The following C1orf198 variants were observed in gnomAD, a reference collection of about 807,000 sequenced individuals.
C1orf198 encodes uncharacterized protein C1orf198.
Under a neutral mutation model 31.4 loss-of-function variants are expected in C1orf198, and 17 were observed. That is an observed-to-expected ratio of 0.54 (90% CI 0.37 to 0.81). C1orf198 has a LOEUF of 0.81. Ranked by LOEUF, C1orf198 falls within the 40% of genes least tolerant of loss-of-function variation. The pLI, the probability that C1orf198 is intolerant of heterozygous loss-of-function variation, is 0.00. For missense variants in C1orf198, 401 were observed against 450.3 expected, an observed-to-expected ratio of 0.89 and a Z score of 0.99; for synonymous variants, 175 against 193.8, an observed-to-expected ratio of 0.90 and a Z score of 0.81.
chr1:230,841,095 A>C (rs1669427403), intron 3 of C1orf198, among the ~76,000 whole-genome samples: 1 of 152,186 alleles, frequency 6.6e-6, no homozygotes, highest in African/African-American at 2.4e-5. Context: ...CTCAGTGCCG[A>C]GTCTCAGAGA....
chr1:230,852,023 T>C (rs1669760321), intron 2 of C1orf198, among the ~76,000 whole-genome samples: 1 of 152,216 alleles, frequency 6.6e-6, no homozygotes, highest in Non-Finnish European at 1.5e-5. Flanking sequence ...CTTGTGTAGG[T>C]AGATTCGTCA....
At position 230,855,719 on chromosome 1, in the gene C1orf198, C is replaced by T. The variant is rs1469263753; in HGVS notation, c.334-1G>A. The T allele has an allele frequency of 6.2e-7, 1 of 1,612,562 alleles. No individual in the cohort carries two copies. Among genetic ancestry groups the T allele is most frequent in the Non-Finnish European group, 8.5e-7 (1 of 1,179,200 alleles). On this transcript the variant is annotated splice_acceptor_variant, in intron 1 of 3. Transcript: ENST00000366663. LOFTEE classifies it high-confidence loss of function. ...AGTGCTCATCTTGCCAAGTTAGATCCTGAAATAAAAAATCGAGAATAAGTC... is the reference window on the plus strand; with the variant it reads ...AGTGCTCATCTTGCCAAGTTAGATCTTGAAATAAAAAATCGAGAATAAGTC...
At chr1:230,841,005 C>T (rs574673107) in intron 3 of C1orf198, among the ~76,000 whole-genome samples, 40 of 152,216 alleles carry the variant, frequency 2.6e-4, no homozygotes, top group Non-Finnish European at 4.6e-4. Context: ...CTCCACTGCC[C>T]ACACAGAAAC....
Position 230,843,455 on chromosome 1 carries a change from G to A in C1orf198, c.826C>T (p.His276Tyr), listed in dbSNP as rs1484625337. 3 of 1,606,860 alleles carry A rather than the reference G, an allele frequency of 1.9e-6. No homozygotes were observed. In the Admixed American group the frequency reaches 5.1e-5, roughly 27 times the overall value. Reference protein sequence around the residue: ...QPVQAFSSALHEAAPSQLEGK... With the variant: ...QPVQAFSSALYEAAPSQLEGK... The stretch of plus-strand genomic sequence containing the variant: ...TCGAGCTGGGAGGGGGCAGCCTCGT[G>A]CAGTGCACTGCTGAAGGCCTGGACA... The change falls in exon 3 of 4, where the codon CAC (histidine) becomes TAC (tyrosine). Residue 276 changes from histidine (H) to tyrosine (Y), a missense_variant. His to Tyr is a moderately conservative substitution (Grantham distance 83). Coordinates refer to ENST00000366663, the MANE Select transcript of C1orf198 (RefSeq NM_032800.3). This position sits in a 1 kb window ranked among gnomAD's most constrained non-coding sequence, Gnocchi z 4.9.
chr1:230,842,891 G>A (rs952064680), intron 3 of C1orf198, among the ~76,000 whole-genome samples: 1 of 152,238 alleles, frequency 6.6e-6, no homozygotes, highest in Non-Finnish European at 1.5e-5. Flanking sequence ...GCCCACAGAG[G>A]GGCAAGACCC....
At chr1:230,864,756 AT>A (rs1670079600) in intron 1 of C1orf198, among the ~76,000 whole-genome samples, 1 of 152,146 alleles carries the variant, frequency 6.6e-6, no homozygotes, top group Admixed American at 6.5e-5. Context: ...CCAAGAATGT[AT>A]CACAGAACGC....
In C1orf198 at chr1:230,838,776, A is replaced by C. The variant is rs1669369391; in HGVS notation, c.*1076T>G. 1 of 152,722 alleles carries C rather than the reference A, an allele frequency of 6.5e-6. No homozygotes were observed. Among genetic ancestry groups the C allele is most frequent in the Admixed American group, 6.5e-5 (1 of 15,282 alleles). 9.5% of individuals were successfully genotyped at this position (152,722 alleles called of 1,614,324 possible). A position where few individuals can be genotyped will look rare whatever the true frequency, so the allele number is the denominator to read the frequency against. On this transcript the variant is annotated 3_prime_UTR_variant, in exon 4 of 4. Transcript: ENST00000366663. This position sits in a 1 kb window ranked among gnomAD's most constrained non-coding sequence, Gnocchi z 4.2. Reference sequence around the variant, plus strand: ...ACCACTGGGCAGCCTTGGTGTCTGCACCAGCTCCAAGAGATACTGCTGCTC... The same window carrying C: ...ACCACTGGGCAGCCTTGGTGTCTGCCCCAGCTCCAAGAGATACTGCTGCTC...
chr1:230,854,037 T>C lies in C1orf198; in HGVS notation c.384+1631A>G, dbSNP rs112029805. Among the ~76,000 whole-genome samples the C allele has an allele frequency of 2.9e-3, 441 of 152,340 alleles. 2 individuals are homozygous for C. Among genetic ancestry groups the C allele is most frequent in the African/African-American group, 0.01 (424 of 41,582 alleles). On this transcript the variant is annotated intron_variant, in intron 2 of 3. Coordinates refer to ENST00000366663, the MANE Select transcript of C1orf198 (RefSeq NM_032800.3). ...AAGATGAAATGTCCTGTCCCACAAA[T>C]AGCTGATTCAGGAACATTTAACAAG... is the stretch of plus-strand genomic sequence containing the variant.
intron 1 of C1orf198, among the ~76,000 whole-genome samples, chr1:230,866,601 G>A (rs760336612): frequency 1.3e-5 from 2 of 152,184 alleles, no homozygotes; most frequent in Admixed American, 6.5e-5. Flanking sequence ...ATGAGTAGGC[G>A]TGTAGATATT....
chr1:230,868,287 C>A lies in C1orf198; in HGVS notation c.226G>T (p.Gly76Trp). 6.3e-7 allele frequency: 1 copy of A among 1,594,010 alleles called. No homozygotes were observed. Among genetic ancestry groups the A allele is most frequent in the Non-Finnish European group, 8.5e-7 (1 of 1,171,760 alleles). Residue 76 changes from glycine to tryptophan, a missense_variant, in exon 1 of 4, where the codon GGG becomes TGG. Transcript: ENST00000366663. ...TCTCGGGGCGCCGGGGCGCGCGGCC[C>A]CACCAGGCACCGGTCGATGATCTCG... ...QDEIIDRCLV[G>W]PRAPAPRDPG...
At chr1:230,858,162 G>A (rs1238534796) in intron 1 of C1orf198, among the ~76,000 whole-genome samples, 1 of 152,182 alleles carries the variant, frequency 6.6e-6, no homozygotes, top group African/African-American at 2.4e-5. Flanking sequence ...CAGAGGCAGA[G>A]GGCCAGCCTT....
rs1669861915 is a variant in C1orf198 at position 230,856,040 on chromosome 1, G to A, written c.334-322C>T. Reference sequence around the variant, plus strand: ...GGCTTGATGGTCTCAGCAGAATCAGGCACAGACTCAGCCCTGAACAATGAT... The same window carrying A: ...GGCTTGATGGTCTCAGCAGAATCAGACACAGACTCAGCCCTGAACAATGAT... On this transcript the variant is annotated intron_variant, in intron 1 of 3. Transcript: ENST00000366663. 3.7e-6 allele frequency: 4 copies of A among 1,069,516 alleles called. No homozygotes were observed. In the South Asian group the frequency reaches 1.7e-4, roughly 46 times the overall value. 66.3% of individuals were successfully genotyped at this position (1,069,516 alleles called of 1,614,324 possible).
intron 1 of C1orf198, among the ~76,000 whole-genome samples, chr1:230,858,852 A>C (rs1032789234): frequency 3.3e-5 from 5 of 152,222 alleles, no homozygotes; most frequent in African/African-American, 1.2e-4. Flanking sequence ...AGGAACGAAG[A>C]CTTAGCCCAG....
At position 230,843,614 on chromosome 1, in the gene C1orf198, T is replaced by C. The variant is rs2102973710; in HGVS notation, c.667A>G (p.Lys223Glu). ...TGCCGGTAGCAGGGAGGCAAGACCT[T>C]TTCCCCCTTCTCCATGGACTTGATC... ...SQIKSMEKGE[K>E]VLPPCYRQEP... The change falls in exon 3 of 4, where the codon AAG becomes GAG. Residue 223 changes from lysine to glutamate, a missense_variant. Lys to Glu is a moderately conservative substitution (Grantham distance 56). Coordinates refer to ENST00000366663, the MANE Select transcript of C1orf198 (RefSeq NM_032800.3). This position sits in a 1 kb window ranked among gnomAD's most constrained non-coding sequence, Gnocchi z 4.9. The C allele has an allele frequency of 1.2e-6, 2 of 1,614,214 alleles. No homozygotes were observed. Among genetic ancestry groups the C allele is most frequent in the East Asian group, 4.5e-5 (2 of 44,866 alleles).
chr1:230,855,102 T>C (rs1440289415), intron 2 of C1orf198, among the ~76,000 whole-genome samples: 1 of 152,188 alleles, frequency 6.6e-6, no homozygotes, highest in Non-Finnish European at 1.5e-5. Flanking sequence ...TGGGGCAACT[T>C]AGGAGATGGG....
At chr1:230,861,582 T>C (rs1670005486) in intron 1 of C1orf198, among the ~76,000 whole-genome samples, 1 of 152,170 alleles carries the variant, frequency 6.6e-6, no homozygotes. Context: ...GAGTATCTGG[T>C]CATGGCAACC....
chr1:230,849,753 C>T (rs1669692399), intron 2 of C1orf198, among the ~76,000 whole-genome samples: 1 of 152,258 alleles, frequency 6.6e-6, no homozygotes, highest in Non-Finnish European at 1.5e-5. Context: ...ACAAAGGCTA[C>T]AGAAGCCTTG....
intron 2 of C1orf198, among the ~76,000 whole-genome samples, chr1:230,844,219 G>A (rs969365875): frequency 6.6e-6 from 1 of 152,056 alleles, no homozygotes; most frequent in African/African-American, 2.4e-5. Flanking sequence ...TCACAGGGGC[G>A]GATGTTGTCT....
At chr1:230,867,006 C>T (rs1228672923) in intron 1 of C1orf198, among the ~76,000 whole-genome samples, 3 of 152,152 alleles carry the variant, frequency 2.0e-5, no homozygotes, top group Non-Finnish European at 4.4e-5. Context: ...ACCATGAACA[C>T]TTCGTATTAA....
Sources: allele counts gnomAD v4.1 joint callset (sites outside exome capture counted in the v4.1 genomes callset), GRCh38; gene constraint gnomAD v4.1.1; non-coding constraint Gnocchi (gnomAD v3.1); transcripts MANE v1.5; gene names NCBI Gene and HGNC (gene_info 2026-07-23, HGNC 2026-07-21).